DEAF1: variants seen among roughly 807,000 people sequenced by gnomAD.
The protein encoded by DEAF1 is DEAF1 transcription factor.
A neutral mutation model predicts 58.9 loss-of-function variants in DEAF1; 53 were observed. The ratio of observed to expected loss-of-function variants is 0.90; its 90% CI spans 0.72 to 1.13. DEAF1 has a LOEUF of 1.13. Among genes scored for constraint, DEAF1 ranks in the 50% most tolerant of loss-of-function variants. The pLI is 0.00. For missense variants in DEAF1, 685 were observed against 791.4 expected, an observed-to-expected ratio of 0.87 and a Z score of 1.61; for synonymous variants, 385 against 340.4, an observed-to-expected ratio of 1.13 and a Z score of -1.44.
intron 1 of DEAF1, chr11:704,486 C>T (rs144010382): frequency 1.6e-6 from 2 of 1,289,400 alleles, no homozygotes; most frequent in African/African-American, 3.0e-5. Context: ...CCACTTCACA[C>T]ACCAGCGCCT....
intron 1 of DEAF1, among the ~76,000 whole-genome samples, chr11:702,366 C>T (rs1475840597): frequency 6.6e-6 from 1 of 152,222 alleles, no homozygotes; most frequent in Non-Finnish European, 1.5e-5. Context: ...TGGGCCTGCC[C>T]TGAGGTGGTG....
chr11:665,289 G>A (rs1859473736), intron 10 of DEAF1, among the ~76,000 whole-genome samples: 1 of 150,972 alleles, frequency 6.6e-6, no homozygotes, highest in African/African-American at 2.4e-5. Flanking sequence ...CTAAGTCCTG[G>A]CTCAGCTATT....
chr11:645,183 AAAC>A (rs1158251351), intron 11 of DEAF1, among the ~76,000 whole-genome samples: 4 of 149,676 alleles, frequency 2.7e-5, no homozygotes, highest in East Asian at 2.0e-4. Context: ...AAAAAAAGTC[AAAC>A]AACAAACCAG....
chr11:691,734 C>T (rs1310455377), intron 1 of DEAF1, 136 bp from the exon 2 acceptor site: 6 of 731,386 alleles, frequency 8.2e-6, no homozygotes, highest in African/African-American at 5.2e-5. Flanking sequence ...CTTAACACTT[C>T]CATGAACACG....
chr11:664,060 A>C (rs1372740590), intron 10 of DEAF1, among the ~76,000 whole-genome samples: 1 of 152,048 alleles, frequency 6.6e-6, no homozygotes, highest in Non-Finnish European at 1.5e-5. Flanking sequence ...TAAAAATACA[A>C]AAATTAGCCA....
At chr11:681,265 A>G (rs934084081) in intron 6 of DEAF1, among the ~76,000 whole-genome samples, 176 bp from the exon 7 acceptor site, 3 of 151,698 alleles carry the variant, frequency 2.0e-5, no homozygotes, top group African/African-American at 7.3e-5. Flanking sequence ...ACGGAGTTTC[A>G]CTCTAGCTGC....
intron 1 of DEAF1, among the ~76,000 whole-genome samples, chr11:693,084 T>C (rs1370827377): frequency 6.6e-6 from 1 of 152,220 alleles, no homozygotes; most frequent in Non-Finnish European, 1.5e-5. Flanking sequence ...TGACGTCAGC[T>C]GTTCGTAATT....
chr11:706,315 C>T (rs1259699116), intron 1 of DEAF1: 1 of 152,044 alleles, frequency 6.6e-6, no homozygotes, highest in Non-Finnish European at 1.5e-5. Flanking sequence ...CGGGGGAGCG[C>T]GCCCGCCCGG....
At chr11:693,094 T>C (rs1434788592) in intron 1 of DEAF1, among the ~76,000 whole-genome samples, 1 of 152,186 alleles carries the variant, frequency 6.6e-6, no homozygotes, top group Non-Finnish European at 1.5e-5. Context: ...TGTTCGTAAT[T>C]TTTAAAAAGT....
At chr11:657,340 T>C (rs180749450) in intron 10 of DEAF1, among the ~76,000 whole-genome samples, 1 of 152,176 alleles carries the variant, frequency 6.6e-6, no homozygotes, top group Non-Finnish European at 1.5e-5. Context: ...ATGAAAAGTC[T>C]GTTGAAAGGG....
chr11:658,035 C>T (rs542315535), intron 10 of DEAF1, among the ~76,000 whole-genome samples: 41 of 152,202 alleles, frequency 2.7e-4, no homozygotes, highest in Admixed American at 5.9e-4. Flanking sequence ...TTTGAAGTTA[C>T]AGAGGGGAGG....
At chr11:650,226 T>A (rs1564922405) in intron 11 of DEAF1, among the ~76,000 whole-genome samples, 1 of 150,956 alleles carries the variant, frequency 6.6e-6, no homozygotes, top group African/African-American at 2.4e-5. Flanking sequence ...ATACAAAAAT[T>A]AGCTGAGTGT....
intron 1 of DEAF1, 130 bp downstream of exon 1, chr11:694,629 G>A: frequency 3.4e-6 from 3 of 893,360 alleles, no homozygotes; most frequent in Middle Eastern, 3.8e-4. Flanking sequence ...GGGTGGAGCG[G>A]GCTGGTCACG....
In DEAF1 at chr11:681,014, T is replaced by C. The variant is rs1212337024; in HGVS notation, c.946A>G (p.Lys316Glu). ...AATGTGATGTTCTTGGGGGAGTCCTTCTTCACGGGAGTTGTGGGCAGTTCA... is the reference window on the plus strand; with the variant it reads ...AATGTGATGTTCTTGGGGGAGTCCTCCTTCACGGGAGTTGTGGGCAGTTCA... ...ENELPTTPVKKDSPKNITLLP... is the reference protein window; with the variant it reads ...ENELPTTPVKEDSPKNITLLP... The change falls in exon 7 of 12, where the codon AAG becomes GAG. Residue 316 changes from lysine (K) to glutamate (E), a missense_variant. By Grantham distance (56) the Lys-to-Glu change is moderately conservative (BLOSUM62 1). This residue lies in a region of DEAF1 where 343 missense variants were observed against 379.8 expected (regional missense o/e 0.90). Coordinates refer to ENST00000382409, the MANE Select transcript of DEAF1 (RefSeq NM_021008.4). 21 of 1,613,996 alleles carry C rather than the reference T, an allele frequency of 1.3e-5. No individual in the cohort carries two copies. The highest frequency in any genetic ancestry group is 1.8e-5 in the Non-Finnish European group (21 of 1,180,002).
intron 10 of DEAF1, among the ~76,000 whole-genome samples, chr11:671,670 G>A (rs922102453): frequency 6.0e-5 from 9 of 150,176 alleles, no homozygotes; most frequent in African/African-American, 2.2e-4. Flanking sequence ...CCAGGAGTTT[G>A]AGACCACCTT....
chr11:661,732 A>C (rs1350870099), intron 10 of DEAF1, among the ~76,000 whole-genome samples: 1 of 152,010 alleles, frequency 6.6e-6, no homozygotes, highest in African/African-American at 2.4e-5. Context: ...TTCCAGATAC[A>C]ATGTGGAATC....
chr11:672,934 A>G (rs4963169), intron 10 of DEAF1, among the ~76,000 whole-genome samples: 73,507 of 151,654 alleles, frequency 0.48, 19,120 homozygotes, highest in East Asian at 0.73. Context: ...AGATCACTTG[A>G]GGTCAGGAGT....
chr11:690,969 C>T (rs1017871585), intron 2 of DEAF1, among the ~76,000 whole-genome samples: 1 of 152,222 alleles, frequency 6.6e-6, no homozygotes, highest in African/African-American at 2.4e-5. Context: ...ACACATAAAA[C>T]ATAAAATAAG....
At chr11:674,251 C>T (rs911341767) in intron 10 of DEAF1, 4 of 439,408 alleles carry the variant, frequency 9.1e-6, no homozygotes, top group African/African-American at 6.0e-5. Context: ...TGAATAATGC[C>T]TAGAAAAGGT....
Sources: gnomAD v4.1 joint callset for allele counts (sites outside exome capture counted in the v4.1 genomes callset) on GRCh38, gnomAD v4.1.1 for gene constraint, gnomAD v4.1.1 regional missense constraint, MANE v1.5 for transcripts, NCBI Gene and HGNC (gene_info 2026-07-23, HGNC 2026-07-21) for gene names.